PCDHA10: variants seen among roughly 807,000 people sequenced by gnomAD.
The protein encoded by PCDHA10 is protocadherin alpha 10, also known as protocadherin alpha-10.
In PCDHA10, 45 loss-of-function variants were observed where a neutral mutation model predicts 61.2. The observed-to-expected ratio is 0.74, with a 90% CI of 0.58 to 0.94. The LOEUF (loss-of-function observed/expected upper bound fraction) is 0.94. PCDHA10 is among the 40% of genes least tolerant of loss of function. The pLI is 0.00. For synonymous variants in PCDHA10, 602 were observed against 548.8 expected, an observed-to-expected ratio of 1.10 and a Z score of -1.35; for missense variants, 1,278 against 1,236.2, an observed-to-expected ratio of 1.03 and a Z score of -0.51.
At chr5:140,911,775 C>T (rs1341124275) in intron 1 of PCDHA10, among the ~76,000 whole-genome samples, 1 of 152,096 alleles carries the variant, frequency 6.6e-6, no homozygotes, top group African/African-American at 2.4e-5. Context: ...AAGTACAGTC[C>T]TTAGCATTTT....
intron 3 of PCDHA10, among the ~76,000 whole-genome samples, chr5:140,993,758 T>C (rs1205942777): frequency 6.6e-6 from 1 of 152,226 alleles, no homozygotes; most frequent in Non-Finnish European, 1.5e-5. Flanking sequence ...GCCATTATAT[T>C]ACAATTGCGC....
chr5:140,912,113 A>C (rs1477558453), intron 1 of PCDHA10, among the ~76,000 whole-genome samples: 3 of 152,182 alleles, frequency 2.0e-5, no homozygotes, highest in African/African-American at 7.2e-5. Flanking sequence ...GTAGGCTGGG[A>C]GGCTAAGTCA....
At chr5:140,874,212 T>C (rs1199574859) in intron 1 of PCDHA10, among the ~76,000 whole-genome samples, 1 of 152,252 alleles carries the variant, frequency 6.6e-6, no homozygotes, top group Non-Finnish European at 1.5e-5. Context: ...TTTATTATTA[T>C]ATGCAGTAGG....
At chr5:140,883,759 G>C (rs1554179777) in intron 1 of PCDHA10, 1 of 1,612,822 alleles carries the variant, frequency 6.2e-7, no homozygotes, top group Non-Finnish European at 8.5e-7. Context: ...TGGTGGAGCG[G>C]CGGGTGGGCG....
At chr5:140,989,744 T>C (rs1354218140) in intron 3 of PCDHA10, among the ~76,000 whole-genome samples, 1 of 152,200 alleles carries the variant, frequency 6.6e-6, no homozygotes, top group Non-Finnish European at 1.5e-5. Context: ...CATTGCCTAA[T>C]CTGGAGAAAC....
chr5:140,901,175 T>C (rs2068484045), intron 1 of PCDHA10, among the ~76,000 whole-genome samples: 1 of 152,162 alleles, frequency 6.6e-6, no homozygotes, highest in African/African-American at 2.4e-5. Context: ...CTTCACTTTG[T>C]TGATTGTTTG....
chr5:140,907,932 A>T (rs1291390398), intron 1 of PCDHA10, among the ~76,000 whole-genome samples: 1 of 152,202 alleles, frequency 6.6e-6, no homozygotes, highest in Non-Finnish European at 1.5e-5. Context: ...GTCCATTCAC[A>T]TACCTTTTCC....
chr5:140,922,326 G>A (rs2080778185), intron 1 of PCDHA10, among the ~76,000 whole-genome samples: 1 of 152,212 alleles, frequency 6.6e-6, no homozygotes, highest in Admixed American at 6.5e-5. Context: ...ATCTTGGAAA[G>A]GGTTGGTATA....
In PCDHA10 at chr5:140,982,523, G is replaced by A; in HGVS notation, c.2496G>A (p.Gly832=). Residue 832 remains glycine (G), a synonymous_variant, in exon 3 of 4, where the codon GGG becomes GGA. Coordinates refer to ENST00000307360, the MANE Select transcript of PCDHA10 (RefSeq NM_018901.4). ...EAGILRAGPG[G]PDQQWPTVSS... ...GCATTCTACGGGCTGGTCCAGGAGGGCCTGATCAGCAGTGGCCAACAGTAT... is the reference window on the plus strand; with the variant it reads ...GCATTCTACGGGCTGGTCCAGGAGGACCTGATCAGCAGTGGCCAACAGTAT... 6.2e-7 allele frequency: 1 copy of A among 1,614,220 alleles called. No individual in the cohort carries two copies. The highest frequency in any genetic ancestry group is 8.5e-7 in the Non-Finnish European group (1 of 1,180,034).
chr5:140,966,998 C>G, intron 1 of PCDHA10: 1 of 1,604,774 alleles, frequency 6.2e-7, no homozygotes. Context: ...GGGTTGCTTG[C>G]GCATCAACCA....
At chr5:140,876,028 A>G in intron 1 of PCDHA10, 1 of 1,613,716 alleles carries the variant, frequency 6.2e-7, no homozygotes, top group Non-Finnish European at 8.5e-7. Flanking sequence ...AAAAACAAAA[A>G]AAGATAAAAG....
intron 1 of PCDHA10, among the ~76,000 whole-genome samples, chr5:140,905,080 C>G (rs2071583789): frequency 6.6e-6 from 1 of 152,128 alleles, no homozygotes; most frequent in Non-Finnish European, 1.5e-5. Flanking sequence ...GTTGCACTTT[C>G]TTTTGGGTTC....
chr5:140,882,094 C>G, intron 1 of PCDHA10: 1 of 1,172,684 alleles, frequency 8.5e-7, no homozygotes. Flanking sequence ...TCACTGAGAA[C>G]GTTTCCGCGA....
At chr5:140,972,132 A>C (rs1412850121) in intron 1 of PCDHA10, among the ~76,000 whole-genome samples, 9 of 152,062 alleles carry the variant, frequency 5.9e-5, no homozygotes, top group African/African-American at 2.2e-4. Context: ...TCAGTGAGTT[A>C]CTACTATTTT....
rs190430510 is a variant in PCDHA10, at chr5:140,858,745, C to G, written c.2388+309C>G. ...TTCTGACGATTTACTTTCATAATCACTTTTCGTTACAAATATTTGTGAGAT... is the reference window on the plus strand; with the variant it reads ...TTCTGACGATTTACTTTCATAATCAGTTTTCGTTACAAATATTTGTGAGAT... On this transcript the variant is annotated intron_variant, in intron 1 of 3. Coordinates refer to ENST00000307360, the MANE Select transcript of PCDHA10 (RefSeq NM_018901.4). 215 of 461,666 alleles carry G rather than the reference C, an allele frequency of 4.7e-4. 2 individuals are homozygous for G. In the East Asian group the frequency reaches 5.3e-3, roughly 11 times the overall value. The allele number at this position is 461,666 out of a possible 1,614,324, so 28.6% of individuals were successfully genotyped here.
At chr5:140,864,331 TG>T (rs1554158785) in intron 1 of PCDHA10, 2 of 152,248 alleles carry the variant, frequency 1.3e-5, no homozygotes, top group African/African-American at 4.8e-5. Context: ...CATAATTATT[TG>T]AGTTTAAAAC....
intron 1 of PCDHA10, among the ~76,000 whole-genome samples, chr5:140,881,731 T>C (rs1457530470): frequency 6.6e-6 from 1 of 152,224 alleles, no homozygotes; most frequent in Non-Finnish European, 1.5e-5. Flanking sequence ...TGAAAAATAT[T>C]ACAGGAAGAG....
intron 3 of PCDHA10, among the ~76,000 whole-genome samples, chr5:140,996,183 T>C (rs1360004898): frequency 6.6e-6 from 1 of 152,232 alleles, no homozygotes; most frequent in African/African-American, 2.4e-5. Context: ...AGCACCTCCA[T>C]TTTATACCCT....
intron 1 of PCDHA10, chr5:140,870,456 G>T (rs782212198): frequency 6.2e-7 from 1 of 1,614,230 alleles, no homozygotes. Context: ...ACGACAATGC[G>T]CCTGCGTTCG....
Sources: allele counts gnomAD v4.1 joint callset (sites outside exome capture counted in the v4.1 genomes callset), GRCh38; gene constraint gnomAD v4.1.1; transcripts MANE v1.5; gene names NCBI Gene and HGNC (gene_info 2026-07-23, HGNC 2026-07-21).